Variants in MXI1 observed in about 807,000 individuals in gnomAD.
The protein encoded by MXI1 is MAX interactor 1, dimerization protein, also known as max-interacting protein 1.
In MXI1, 18 loss-of-function variants were observed where a neutral mutation model predicts 36.9. The ratio of observed to expected loss-of-function variants is 0.49; its 90% confidence interval spans 0.34 to 0.72. MXI1 has a LOEUF of 0.72. Ranked by LOEUF, MXI1 falls within the 30% of genes least tolerant of loss-of-function variation. The pLI is 0.01. For synonymous variants in MXI1, 160 were observed against 146.7 expected (o/e 1.09, Z -0.65); for missense variants, 304 against 379.1 (o/e 0.80, Z 1.64).
At chr10:110,277,346 CCA>C (rs1590406789) in intron 3 of MXI1, among the ~76,000 whole-genome samples, 2 of 152,216 alleles carry the variant, frequency 1.3e-5, no homozygotes, top group East Asian at 3.9e-4. Context: ...TTTCCACGCT[CCA>C]GTCATATTAT....
At chr10:110,236,384 G>T in intron 2 of MXI1, among the ~76,000 whole-genome samples, 1 of 151,942 alleles carries the variant, frequency 6.6e-6, no homozygotes, top group Admixed American at 6.6e-5. Context: ...ATCAGGTAAT[G>T]AATGTATTCC....
intron 1 of MXI1, among the ~76,000 whole-genome samples, chr10:110,213,920 T>C (rs2134325563): frequency 6.6e-6 from 1 of 152,378 alleles, no homozygotes; most frequent in Middle Eastern, 3.4e-3. Flanking sequence ...CTACAATTTA[T>C]TGAACACTGA....
At chr10:110,224,708 C>G (rs1456976050) in intron 1 of MXI1, among the ~76,000 whole-genome samples, 2 of 145,976 alleles carry the variant, frequency 1.4e-5, no homozygotes, top group Non-Finnish European at 3.0e-5. Flanking sequence ...AGTGCAGTGG[C>G]GTGATCTCGG....
At chr10:110,210,064 G>A (rs1305360905) in intron 1 of MXI1, among the ~76,000 whole-genome samples, 1 of 64,604 alleles carries the variant, frequency 1.5e-5, no homozygotes, top group African/African-American at 6.4e-5. Flanking sequence ...CGCCGCCCTG[G>A]CCGCCGCCAC....
At chr10:110,232,288 T>C (rs1855300292) in intron 2 of MXI1, among the ~76,000 whole-genome samples, 1 of 152,160 alleles carries the variant, frequency 6.6e-6, no homozygotes, top group Non-Finnish European at 1.5e-5. Flanking sequence ...TGGCCAGCCT[T>C]CTTTTGATTC....
intron 2 of MXI1, among the ~76,000 whole-genome samples, chr10:110,238,097 G>A (rs373314774): frequency 2.0e-5 from 3 of 152,176 alleles, no homozygotes; most frequent in African/African-American, 7.2e-5. Context: ...GCACATTTAT[G>A]TGTTTACCAA....
intron 5 of MXI1, 56 bp downstream of exon 5, chr10:110,280,141 AGG>A: frequency 6.8e-7 from 1 of 1,461,588 alleles, no homozygotes; most frequent in Non-Finnish European, 9.2e-7. Flanking sequence ...ATCTGGATTT[AGG>A]GAAGGTATGT....
chr10:110,242,606 T>A (rs1420684502), intron 2 of MXI1, among the ~76,000 whole-genome samples: 1 of 152,056 alleles, frequency 6.6e-6, no homozygotes, highest in East Asian at 1.9e-4. Flanking sequence ...ATCTTAGCTA[T>A]CATTTTCTTT....
intron 1 of MXI1, among the ~76,000 whole-genome samples, chr10:110,210,933 C>T (rs1854496981): frequency 6.6e-6 from 1 of 152,110 alleles, no homozygotes; most frequent in African/African-American, 2.4e-5. Flanking sequence ...ATCATTCAGT[C>T]GTTGGGGGAG....
intron 1 of MXI1, among the ~76,000 whole-genome samples, chr10:110,218,216 C>T (rs970789664): frequency 2.0e-5 from 3 of 152,030 alleles, no homozygotes; most frequent in South Asian, 2.1e-4. Context: ...TTTGGGAGGC[C>T]GAGGTGGGCG....
In MXI1 at chr10:110,279,222, G is replaced by C; in HGVS notation, c.480G>C (p.Leu160=). 1 of 1,614,168 alleles carries C rather than the reference G, an allele frequency of 6.2e-7. No individual in the cohort carries two copies. Among genetic ancestry groups the C allele is most frequent in the East Asian group, 2.2e-5 (1 of 44,874 alleles). The change falls in exon 4 of 6, where the codon CTG becomes CTC. Residue 160 remains leucine, a synonymous_variant. Transcript: ENST00000332674. ...TTTGTTTAGAACGCTTAAAAGTTCT[G>C]ATTCCACTAGGACCAGACTGCACCC... The part of the protein sequence containing the change: ...LRLCLERLKV[L]IPLGPDCTRH...
At chr10:110,283,319 A>G (rs1290627590) in intron 5 of MXI1, among the ~76,000 whole-genome samples, 1 of 149,524 alleles carries the variant, frequency 6.7e-6, no homozygotes, top group Non-Finnish European at 1.5e-5. Flanking sequence ...GCTGGAGTGC[A>G]GTGGCGTGAT....
At chr10:110,266,302 G>A (rs1407376392) in intron 3 of MXI1, among the ~76,000 whole-genome samples, 1 of 152,012 alleles carries the variant, frequency 6.6e-6, no homozygotes, top group East Asian at 1.9e-4. Context: ...TAGAGACGGG[G>A]TTTCACCATG....
chr10:110,273,669 G>A (rs906185706), intron 3 of MXI1, among the ~76,000 whole-genome samples: 1 of 152,226 alleles, frequency 6.6e-6, no homozygotes, highest in African/African-American at 2.4e-5. Flanking sequence ...TTTGAAGAAT[G>A]TGGCTCATGA....
At chr10:110,231,203 C>G (rs2134362340) in intron 2 of MXI1, among the ~76,000 whole-genome samples, 1 of 152,170 alleles carries the variant, frequency 6.6e-6, no homozygotes, top group South Asian at 2.1e-4. Flanking sequence ...CCTGTCTCTA[C>G]TAAAAATACA....
chr10:110,244,248 T>G (rs1206746748), intron 2 of MXI1, among the ~76,000 whole-genome samples: 1 of 152,042 alleles, frequency 6.6e-6, no homozygotes, highest in East Asian at 1.9e-4. Flanking sequence ...ACACGTTTCT[T>G]GATTTTATTA....
intron 3 of MXI1, among the ~76,000 whole-genome samples, chr10:110,272,802 G>A (rs1049631316): frequency 1.3e-5 from 2 of 151,756 alleles, no homozygotes; most frequent in Non-Finnish European, 2.9e-5. Flanking sequence ...GGCTATTTAA[G>A]TGAAAGCTGC....
intron 2 of MXI1, among the ~76,000 whole-genome samples, chr10:110,238,267 C>T (rs1279108192): frequency 6.6e-6 from 1 of 152,180 alleles, no homozygotes; most frequent in Non-Finnish European, 1.5e-5. Context: ...ACCCTCTAAT[C>T]ACATGGTTGG....
chr10:110,210,252 T>TG (rs1854478382), intron 1 of MXI1: 1 of 984,768 alleles, frequency 1.0e-6, no homozygotes, highest in Non-Finnish European at 1.2e-6. Flanking sequence ...GCGTCCGCCC[T>TG]GCAAATCTGC....
Sources: allele counts gnomAD v4.1 joint callset (sites outside exome capture counted in the v4.1 genomes callset), GRCh38; gene constraint gnomAD v4.1.1; transcripts MANE v1.5; gene names NCBI Gene and HGNC (gene_info 2026-07-23, HGNC 2026-07-21).